DAGLB: variants seen among roughly 807,000 people sequenced by gnomAD.
DAGLB encodes diacylglycerol lipase beta.
Under a neutral mutation model 72.1 loss-of-function variants are expected in DAGLB, and 66 were observed. That is an observed-to-expected ratio of 0.92 (90% CI 0.75 to 1.12). The LOEUF is 1.12. Ranked by LOEUF, DAGLB falls within the 50% of genes most tolerant of loss-of-function variation. The pLI is 0.00. For synonymous variants in DAGLB, 414 were observed against 359.5 expected, an observed-to-expected ratio of 1.15 and a Z score of -1.71; for missense variants, 1,065 against 884.9, an observed-to-expected ratio of 1.20 and a Z score of -2.58.
intron 5 of DAGLB, 119 bp from the exon 6 acceptor site, chr7:6,430,726 A>G: frequency 2.5e-6 from 3 of 1,183,380 alleles, no homozygotes; most frequent in Non-Finnish European, 3.3e-6. Flanking sequence ...CGTTGAATAG[A>G]ACTCTCAGAC....
rs200431617 is a variant in DAGLB at position 6,424,794 on chromosome 7, T to C, written c.1098A>G (p.Lys366=). 6 of 1,613,884 alleles carry C rather than the reference T, an allele frequency of 3.7e-6. No homozygotes were observed. The highest frequency in any genetic ancestry group is 3.3e-5 in the Admixed American group (2 of 59,996). ...LPFLVALDHR[K]ESVVVAVRGT... ...CCCTCACAGCGACCACAACAGACTC[T>C]TTCCTGTGATCCAGAGCCACTAAAA... The change falls in exon 8 of 15, where the codon AAA becomes AAG. Residue 366 remains lysine, a synonymous_variant. Coordinates refer to ENST00000297056, the MANE Select transcript of DAGLB (RefSeq NM_139179.4).
At chr7:6,424,163 G>C (rs1438003190) in intron 8 of DAGLB, among the ~76,000 whole-genome samples, 1 of 152,338 alleles carries the variant, frequency 6.6e-6, no homozygotes, top group Middle Eastern at 3.4e-3. Flanking sequence ...GAGGAAACCG[G>C]AATGGAGAGA....
At chr7:6,421,987 T>G in intron 8 of DAGLB, 183 bp from the exon 9 acceptor site, 2 of 704,138 alleles carry the variant, frequency 2.8e-6, no homozygotes, top group Non-Finnish European at 2.5e-6. Context: ...CTGAGGGCCC[T>G]GATGGCACGA....
intron 13 of DAGLB, among the ~76,000 whole-genome samples, chr7:6,410,772 G>C (rs1460225885): frequency 3.3e-5 from 5 of 152,040 alleles, no homozygotes; most frequent in African/African-American, 4.8e-5. Flanking sequence ...GCAATGGCGT[G>C]ATCTTGGCTC....
chr7:6,447,891 A>C lies in DAGLB; in HGVS notation c.-49T>G, dbSNP rs1229961206. 6.4e-7 allele frequency: 1 copy of C among 1,552,486 alleles called. No homozygotes were observed. Among genetic ancestry groups the C allele is most frequent in the African/African-American group, 1.4e-5 (1 of 72,742 alleles). The stretch of plus-strand genomic sequence containing the variant: ...TCAGGAGAGACCCCGCGCGCCGTTC[A>C]CCGAGAACAAACCAGCACCCTCCGG... On this transcript the variant is annotated 5_prime_UTR_variant, in exon 1 of 15. Coordinates refer to ENST00000297056, the MANE Select transcript of DAGLB (RefSeq NM_139179.4).
intron 2 of DAGLB, among the ~76,000 whole-genome samples, chr7:6,443,673 C>T (rs896112814): frequency 1.3e-5 from 2 of 152,112 alleles, no homozygotes; most frequent in Admixed American, 1.3e-4. Context: ...GATGCCGTCA[C>T]TCACTGTATC....
chr7:6,420,653 C>T lies in DAGLB; in HGVS notation c.1218+1074G>A, dbSNP rs548807120. ...GGACACGGGTTCACGGCACTGTGAA[C>T]GCACTGGATGCCCGGAACTATACAC... On this transcript the variant is annotated intron_variant, in intron 9 of 14. Coordinates refer to ENST00000297056, the MANE Select transcript of DAGLB (RefSeq NM_139179.4). Among the ~76,000 whole-genome samples the T allele has an allele frequency of 9.9e-5, 15 of 152,150 alleles. 2 individuals are homozygous for T. In the South Asian group the frequency reaches 2.1e-3, roughly 21 times the overall value.
At position 6,416,706 on chromosome 7, in the gene DAGLB, C is replaced by T. The variant is rs781028540; in HGVS notation, c.1348G>A (p.Ala450Thr). Residue 450 changes from alanine (A) to threonine (T), a missense_variant, in exon 11 of 15, where the codon GCC (alanine) becomes ACC (threonine). Transcript: ENST00000297056. ...VGHSLGGGAA[A>T]LLATMLRAAY... ...GCTCTGAGCATGGTGGCCAGCAGGG[C>T]GGCCGCCCCGCCCCCGAGGCTGTGG... The T allele has an allele frequency of 2.1e-5, 34 of 1,613,336 alleles. No individual in the cohort carries two copies. Among genetic ancestry groups the T allele is most frequent in the Admixed American group, 5.0e-5 (3 of 59,946 alleles).
chr7:6,413,048 C>G lies in DAGLB; in HGVS notation c.1428-14G>C, dbSNP rs369107448. On this transcript the variant is annotated splice_polypyrimidine_tract_variant and intron_variant, in intron 11 of 14. Coordinates refer to ENST00000297056, the MANE Select transcript of DAGLB (RefSeq NM_139179.4). The stretch of plus-strand genomic sequence containing the variant: ...TGCAGAGCTTTGCTGAAATTCCAAA[C>G]AGAGAGAGGATGTTAGCTTTACGAT... 1.0e-4 allele frequency: 161 copies of G among 1,611,148 alleles called. No individual in the cohort carries two copies. The highest frequency in any genetic ancestry group is 1.6e-4 in the East Asian group (7 of 44,792).
At position 6,447,752 on chromosome 7, in the gene DAGLB, G is replaced by A. The variant is rs1785058372; in HGVS notation, c.91C>T (p.Leu31=). 7.4e-6 allele frequency: 12 copies of A among 1,612,876 alleles called. No homozygotes were observed. The highest frequency in any genetic ancestry group is 1.0e-5 in the Non-Finnish European group (12 of 1,179,580). The change falls in exon 1 of 15, where the codon CTG becomes TTG. Residue 31 remains leucine (L), a synonymous_variant. Coordinates refer to ENST00000297056, the MANE Select transcript of DAGLB (RefSeq NM_139179.4). ...CCCCGTAGCCGCCGTCCTTACCACA[G>A]CACTCGCACGACCAGCTCGAAGAAC... ...PGFFELVVRV[L]WWIGILTLYL... is the part of the protein sequence containing the mutation.
intron 7 of DAGLB, 67 bp downstream of exon 7, chr7:6,425,921 C>T: frequency 1.3e-6 from 2 of 1,596,590 alleles, no homozygotes; most frequent in Non-Finnish European, 1.7e-6. Flanking sequence ...TTCATAACTT[C>T]CATCAGAATC....
At chr7:6,427,246 A>T (rs1784343281) in intron 6 of DAGLB, among the ~76,000 whole-genome samples, 1 of 152,224 alleles carries the variant, frequency 6.6e-6, no homozygotes, top group South Asian at 2.1e-4. Context: ...TTTCTTAGTA[A>T]TAGGGGACTG....
At chr7:6,436,235 A>C in intron 3 of DAGLB, 127 bp downstream of exon 3, 1 of 1,244,166 alleles carries the variant, frequency 8.0e-7, no homozygotes, top group Admixed American at 2.6e-5. Flanking sequence ...AGTTACGCAG[A>C]AACTAACTCC....
At position 6,421,040 on chromosome 7, in the gene DAGLB, C is replaced by T. The variant is rs10230345; in HGVS notation, c.1218+687G>A. On this transcript the variant is annotated intron_variant, in intron 9 of 14. Transcript: ENST00000297056. ...TTCAGAGGCTGGGTGTGGTGGCTCA[C>T]GCCCGTAATCCCAATACTCTGGGAG... Among the ~76,000 whole-genome samples the T allele has an allele frequency of 8.5e-3, 1,291 of 152,246 alleles. 24 individuals are homozygous for T. The highest frequency in any genetic ancestry group is 0.03 in the African/African-American group (1,232 of 41,548).
At chr7:6,447,154 C>T (rs1785033620) in intron 1 of DAGLB, among the ~76,000 whole-genome samples, 1 of 152,188 alleles carries the variant, frequency 6.6e-6, no homozygotes. Context: ...TCTACTTTTG[C>T]ATAACAATGA....
chr7:6,426,155 A>C lies in DAGLB; in HGVS notation c.930-41T>G, dbSNP rs1333926083. On this transcript the variant is annotated intron_variant, in intron 6 of 14. Transcript: ENST00000297056. ...AGACGTTACTATGCCGAACAGAGCC[A>C]CTTGGCAAGGAACGTCCATCCTCAC... 10 of 1,609,162 alleles carry C rather than the reference A, an allele frequency of 6.2e-6. No individual in the cohort carries two copies. The Middle Eastern group carries it at 8.1e-4, about 131-fold the overall frequency.
chr7:6,431,222 A>C (rs1478555031), intron 5 of DAGLB, among the ~76,000 whole-genome samples: 1 of 151,950 alleles, frequency 6.6e-6, no homozygotes, highest in Non-Finnish European at 1.5e-5. Flanking sequence ...CCACTGCCAC[A>C]CACGAGCTGT....
In DAGLB at chr7:6,439,733, T is replaced by C. The variant is rs1045812443; in HGVS notation, c.248-3200A>G. Among the ~76,000 whole-genome samples, 10 of 152,174 alleles carry C rather than the reference T, an allele frequency of 6.6e-5. No homozygotes were observed. In the East Asian group the frequency reaches 1.4e-3, roughly 21 times the overall value. Reference sequence around the variant, plus strand: ...CTCCCACAAGGTGCAACAGTGGGATTTCATTTGGGAGGTTTTCAAATTAAA... The same window carrying C: ...CTCCCACAAGGTGCAACAGTGGGATCTCATTTGGGAGGTTTTCAAATTAAA... On this transcript the variant is annotated intron_variant, in intron 2 of 14. Coordinates refer to ENST00000297056, the MANE Select transcript of DAGLB (RefSeq NM_139179.4).
intron 2 of DAGLB, among the ~76,000 whole-genome samples, chr7:6,444,576 T>C (rs904706319): frequency 3.9e-5 from 6 of 152,100 alleles, no homozygotes; most frequent in African/African-American, 1.2e-4. Context: ...CACTCCAGCC[T>C]GCGCAGCGGA....
Sources: gnomAD v4.1 joint callset for allele counts (sites outside exome capture counted in the v4.1 genomes callset) on GRCh38, gnomAD v4.1.1 for gene constraint, MANE v1.5 for transcripts, NCBI Gene and HGNC (gene_info 2026-07-23, HGNC 2026-07-21) for gene names.